The following SLC9A9 variants were observed in gnomAD, a reference collection of about 807,000 sequenced individuals.
The protein encoded by SLC9A9 is sodium/hydrogen exchanger 9.
A neutral mutation model predicts 77.8 loss-of-function variants in SLC9A9; 62 were observed. That is an observed-to-expected ratio of 0.80 (90% CI 0.65 to 0.98). The LOEUF (loss-of-function observed/expected upper bound fraction) is 0.98, where lower values mean the gene tolerates loss of function less well. SLC9A9 is among the 50% of genes least tolerant of loss of function. The pLI is 0.00. For missense variants in SLC9A9, 775 were observed against 774.9 expected, an observed-to-expected ratio of 1.00 and a Z score of 0.00; for synonymous variants, 320 against 283.5, an observed-to-expected ratio of 1.13 and a Z score of -1.29.
intron 9 of SLC9A9, among the ~76,000 whole-genome samples, chr3:143,547,442 C>G (rs1232560109): frequency 6.6e-6 from 1 of 152,208 alleles, no homozygotes; most frequent in Non-Finnish European, 1.5e-5. Flanking sequence ...TCCCCCAAAC[C>G]TGTTACTCTT....
intron 4 of SLC9A9, among the ~76,000 whole-genome samples, chr3:143,727,348 G>C (rs1934681012): frequency 6.6e-6 from 1 of 151,958 alleles, no homozygotes; most frequent in South Asian, 2.1e-4. Context: ...AATATAAATG[G>C]TGAATGAAGA....
In SLC9A9 at chr3:143,604,159, C is replaced by T. The variant is rs57949603; in HGVS notation, c.756-25436G>A. 5.8e-4 allele frequency among the ~76,000 whole-genome samples: 88 copies of T among 152,270 alleles called. 2 individuals are homozygous for T. Among genetic ancestry groups the T allele is most frequent in the East Asian group, 9.6e-4 (5 of 5,186 alleles). ...TAAGGTCTATTTTGTGCCAGATACA[C>T]ATTTTTTTTAAGAAAGTGATACAGT... On this transcript the variant is annotated intron_variant, in intron 6 of 15. Transcript: ENST00000316549.
At chr3:143,785,905 G>GC (rs2008040342) in intron 4 of SLC9A9, among the ~76,000 whole-genome samples, 1 of 136,448 alleles carries the variant, frequency 7.3e-6, no homozygotes, top group African/African-American at 2.7e-5. Context: ...CGCCCAGGCT[G>GC]GAGTGCAGTG....
At chr3:143,448,874 TATGA>T (rs1559920224) in intron 12 of SLC9A9, among the ~76,000 whole-genome samples, 3 of 7,878 alleles carry the variant, frequency 3.8e-4, no homozygotes, top group Non-Finnish European at 4.7e-4. Context: ...TATTATATAA[TATGA>T]TATATATTAT....
chr3:143,642,615 A>G (rs1008066016), intron 6 of SLC9A9, among the ~76,000 whole-genome samples: 1 of 152,212 alleles, frequency 6.6e-6, no homozygotes, highest in African/African-American at 2.4e-5. Flanking sequence ...AAAATTATCA[A>G]CCATTATCCC....
intron 14 of SLC9A9, among the ~76,000 whole-genome samples, chr3:143,362,864 CT>C (rs1212388958): frequency 6.6e-6 from 1 of 152,182 alleles, no homozygotes; most frequent in East Asian, 1.9e-4. Flanking sequence ...TATATCTGAG[CT>C]ACTATGTTTA....
At chr3:143,726,783 A>G (rs1934666194) in intron 4 of SLC9A9, among the ~76,000 whole-genome samples, 1 of 152,218 alleles carries the variant, frequency 6.6e-6, no homozygotes, top group Non-Finnish European at 1.5e-5. Context: ...GCCTGAGGGA[A>G]GAAATCATAT....
chr3:143,430,291 C>T (rs902356289), intron 12 of SLC9A9, among the ~76,000 whole-genome samples: 1 of 152,158 alleles, frequency 6.6e-6, no homozygotes. Context: ...GACCCCATCC[C>T]CCAGCCTGTG....
intron 1 of SLC9A9, among the ~76,000 whole-genome samples, chr3:143,832,455 C>T (rs1259953782): frequency 6.6e-6 from 1 of 151,970 alleles, no homozygotes; most frequent in African/African-American, 2.4e-5. Context: ...TTTTTTTTCT[C>T]CCTAGTGGAC....
chr3:143,704,501 C>T (rs569778030), intron 4 of SLC9A9, among the ~76,000 whole-genome samples: 3 of 152,224 alleles, frequency 2.0e-5, no homozygotes, highest in African/African-American at 7.2e-5. Context: ...GACAAAAACG[C>T]ATTTGATACA....
chr3:143,636,878 C>A (rs1334195728), intron 6 of SLC9A9, among the ~76,000 whole-genome samples: 2 of 152,222 alleles, frequency 1.3e-5, no homozygotes, highest in East Asian at 3.9e-4. Context: ...TATCTATAAC[C>A]AAGGAATTCA....
chr3:143,814,934 C>T (rs1052892033), intron 2 of SLC9A9, among the ~76,000 whole-genome samples: 1 of 151,994 alleles, frequency 6.6e-6, no homozygotes, highest in African/African-American at 2.4e-5. Flanking sequence ...ACAGTGGGCT[C>T]TGGGCCTTTC....
intron 4 of SLC9A9, among the ~76,000 whole-genome samples, chr3:143,697,033 A>T (rs1933660518): frequency 6.6e-6 from 1 of 151,976 alleles, no homozygotes; most frequent in African/African-American, 2.4e-5. Context: ...CCTGTTATTT[A>T]CAAGAATGAA....
At chr3:143,398,464 A>T (rs2033777387) in intron 12 of SLC9A9, among the ~76,000 whole-genome samples, 1 of 151,642 alleles carries the variant, frequency 6.6e-6, no homozygotes, top group African/African-American at 2.4e-5. Context: ...TCATAGTAAC[A>T]GCCAATATGT....
intron 5 of SLC9A9, among the ~76,000 whole-genome samples, chr3:143,677,823 CTTTTTTT>C (rs553429664): frequency 2.7e-5 from 3 of 110,266 alleles, no homozygotes; most frequent in African/African-American, 3.4e-5. Flanking sequence ...TCTTCAGAGT[CTTTTTTT>C]TTTTTTTTTT....
intron 4 of SLC9A9, among the ~76,000 whole-genome samples, chr3:143,699,492 G>C (rs1030915881): frequency 1.3e-5 from 2 of 152,178 alleles, no homozygotes; most frequent in Non-Finnish European, 2.9e-5. Context: ...GTGTAGCATG[G>C]ATAAAGAGAA....
intron 6 of SLC9A9, among the ~76,000 whole-genome samples, chr3:143,611,809 C>T (rs1413029895): frequency 6.6e-6 from 1 of 152,174 alleles, no homozygotes; most frequent in East Asian, 1.9e-4. Context: ...TCATGGCTCA[C>T]TCCAGTCCCG....
chr3:143,570,980 C>T (rs998985037), intron 8 of SLC9A9, among the ~76,000 whole-genome samples: 3 of 152,076 alleles, frequency 2.0e-5, no homozygotes, highest in Non-Finnish European at 2.9e-5. Flanking sequence ...AACAGATGTG[C>T]TTTGTTTAAA....
intron 6 of SLC9A9, among the ~76,000 whole-genome samples, chr3:143,583,896 C>T (rs1174326365): frequency 6.6e-6 from 1 of 152,128 alleles, no homozygotes; most frequent in Admixed American, 6.6e-5. Flanking sequence ...CTTTGGGTGG[C>T]AGGGATCATC....
Sources: gnomAD v4.1 joint callset for allele counts (sites outside exome capture counted in the v4.1 genomes callset) on GRCh38, gnomAD v4.1.1 for gene constraint, MANE v1.5 for transcripts, NCBI Gene and HGNC (gene_info 2026-07-23, HGNC 2026-07-21) for gene names.